NEDD4: variants seen among roughly 807,000 people sequenced by gnomAD.
The protein encoded by NEDD4 is E3 ubiquitin-protein ligase NEDD4.
A neutral mutation model predicts 144.9 loss-of-function variants in NEDD4; 99 were observed. The observed-to-expected ratio is 0.68, with a 90% confidence interval of 0.58 to 0.81. NEDD4 has a LOEUF of 0.81. Ranked by LOEUF, NEDD4 falls within the 30% of genes least tolerant of loss-of-function variation. NEDD4 has a pLI of 0.00. For synonymous variants in NEDD4, 318 were observed against 350.6 expected, an observed-to-expected ratio of 0.91 and a Z score of 1.04; for missense variants, 985 against 1,065.9, an observed-to-expected ratio of 0.92 and a Z score of 1.06.
chr15:55,916,434 T>C, intron 5 of NEDD4: 1 of 1,614,048 alleles, frequency 6.2e-7, no homozygotes. Context: ...ATTCACAGCA[T>C]TCAATTCATT....
At chr15:55,842,874 A>C (rs2033577495) in intron 18 of NEDD4, among the ~76,000 whole-genome samples, 2 of 152,178 alleles carry the variant, frequency 1.3e-5, no homozygotes, top group South Asian at 4.1e-4. Flanking sequence ...ACTCATTAAC[A>C]GATGGTGACA....
intron 4 of NEDD4, among the ~76,000 whole-genome samples, chr15:55,944,368 C>G (rs2037068673): frequency 6.6e-6 from 1 of 152,204 alleles, no homozygotes; most frequent in African/African-American, 2.4e-5. Context: ...ACCATGCCCA[C>G]AGAGCCTTGC....
At chr15:55,968,288 A>G (rs550584793) in intron 1 of NEDD4, among the ~76,000 whole-genome samples, 104 of 152,264 alleles carry the variant, frequency 6.8e-4, no homozygotes, top group African/African-American at 2.4e-3. Context: ...TAAAAGTGAA[A>G]AGAAATTTTT....
chr15:55,882,002 T>G (rs2035211612), intron 5 of NEDD4, among the ~76,000 whole-genome samples: 1 of 152,148 alleles, frequency 6.6e-6, no homozygotes, highest in Non-Finnish European at 1.5e-5. Flanking sequence ...GCAAGATCAT[T>G]CCTCATTAAG....
At chr15:55,884,203 C>G (rs941669873) in intron 5 of NEDD4, among the ~76,000 whole-genome samples, 10 of 152,060 alleles carry the variant, frequency 6.6e-5, no homozygotes, top group African/African-American at 1.9e-4. Flanking sequence ...TCTGTAAGTT[C>G]AAGAGCCACA....
intron 7 of NEDD4, 96 bp from the exon 8 acceptor site, chr15:55,869,777 G>T: frequency 1.3e-6 from 1 of 744,690 alleles, no homozygotes; most frequent in South Asian, 1.7e-5. Flanking sequence ...GGTACCAGGG[G>T]GTCTACAAAG....
intron 1 of NEDD4, among the ~76,000 whole-genome samples, chr15:55,971,505 A>G (rs1176779981): frequency 6.6e-6 from 1 of 151,956 alleles, no homozygotes; most frequent in Non-Finnish European, 1.5e-5. Context: ...TGCACCTGTA[A>G]TCCCAGCTAC....
chr15:55,871,193 T>C (rs1358109486), intron 7 of NEDD4, among the ~76,000 whole-genome samples: 1 of 152,244 alleles, frequency 6.6e-6, no homozygotes, highest in Non-Finnish European at 1.5e-5. Context: ...GTGAACATTC[T>C]GACTTGTGGC....
At chr15:55,951,009 C>T (rs1365897299) in intron 4 of NEDD4, among the ~76,000 whole-genome samples, 2 of 152,168 alleles carry the variant, frequency 1.3e-5, no homozygotes, top group East Asian at 1.9e-4. Context: ...ATGTCAATGA[C>T]GTGTGGATAA....
intron 5 of NEDD4, among the ~76,000 whole-genome samples, chr15:55,896,513 T>G (rs537646799): frequency 3.3e-5 from 5 of 152,190 alleles, no homozygotes; most frequent in Non-Finnish European, 7.4e-5. Flanking sequence ...ATTTACCTGA[T>G]GATACTAAAT....
intron 28 of NEDD4, 74 bp from the exon 29 acceptor site, chr15:55,830,073 C>T: frequency 2.0e-6 from 2 of 1,009,864 alleles, no homozygotes; most frequent in Non-Finnish European, 3.0e-6. Context: ...CAGAGCAATG[C>T]TGCTATTCTT....
chr15:55,965,469 G>A (rs368393793), intron 2 of NEDD4, among the ~76,000 whole-genome samples: 2 of 151,982 alleles, frequency 1.3e-5, no homozygotes. Flanking sequence ...CCCAAACCCC[G>A]TTTCTTAGGC....
intron 13 of NEDD4, among the ~76,000 whole-genome samples, chr15:55,851,916 A>ACT (rs2033998025): frequency 6.6e-6 from 1 of 152,208 alleles, no homozygotes; most frequent in Non-Finnish European, 1.5e-5. Flanking sequence ...TACTTGTTTT[A>ACT]TATAATAACA....
intron 6 of NEDD4, among the ~76,000 whole-genome samples, chr15:55,873,485 T>C (rs2034881391): frequency 6.6e-6 from 1 of 152,232 alleles, no homozygotes; most frequent in African/African-American, 2.4e-5. Context: ...TGTATTATCT[T>C]TACTTCTTGC....
At chr15:55,933,115 A>C (rs138366239) in intron 4 of NEDD4, among the ~76,000 whole-genome samples, 12,477 of 152,244 alleles carry the variant, frequency 0.082, 630 homozygotes, top group Middle Eastern at 0.16. Context: ...TGTGGAAGAC[A>C]GTGTGGCGAT....
At chr15:55,969,523 G>A (rs985167730) in intron 1 of NEDD4, among the ~76,000 whole-genome samples, 2 of 152,138 alleles carry the variant, frequency 1.3e-5, no homozygotes, top group African/African-American at 4.8e-5. Flanking sequence ...AGCTCCAGGA[G>A]GAGAGGTAAG....
At chr15:55,905,437 C>T (rs887276638) in intron 5 of NEDD4, among the ~76,000 whole-genome samples, 11 of 152,084 alleles carry the variant, frequency 7.2e-5, no homozygotes, top group South Asian at 2.1e-4. Flanking sequence ...AACTTCATAG[C>T]GACTTACTCT....
intron 1 of NEDD4, among the ~76,000 whole-genome samples, chr15:55,977,691 T>G (rs1402217065): frequency 6.6e-6 from 1 of 151,990 alleles, no homozygotes; most frequent in East Asian, 1.9e-4. Flanking sequence ...AATTTCAGTT[T>G]TCTGAGGGGA....
chr15:55,848,365 G>C lies in NEDD4; in HGVS notation c.1542+7C>G, dbSNP rs1366562192. ...TCCCATCAGAGCACACTGGCAGAGAGACTTACTGGTCCAGTTATTGCTACA... is the reference window on the plus strand; with the variant it reads ...TCCCATCAGAGCACACTGGCAGAGACACTTACTGGTCCAGTTATTGCTACA... On this transcript the variant is annotated splice_region_variant and intron_variant, in intron 17 of 28. Coordinates refer to ENST00000435532, the MANE Select transcript of NEDD4 (RefSeq NM_006154.4). 6.8e-6 allele frequency: 11 copies of C among 1,613,560 alleles called. No homozygotes were observed. Among genetic ancestry groups the C allele is most frequent in the Non-Finnish European group, 9.3e-6 (11 of 1,179,618 alleles).
Sources: gnomAD v4.1 joint callset for allele counts (sites outside exome capture counted in the v4.1 genomes callset) on GRCh38, gnomAD v4.1.1 for gene constraint, MANE v1.5 for transcripts, NCBI Gene and HGNC (gene_info 2026-07-23, HGNC 2026-07-21) for gene names.